Variants in NME7 observed in about 807,000 individuals in gnomAD.
NME7 encodes nucleoside diphosphate kinase 7.
In NME7, 41 loss-of-function variants were observed where a neutral mutation model predicts 49.1. The observed-to-expected ratio is 0.83, with a 90% CI of 0.65 to 1.08. The LOEUF (loss-of-function observed/expected upper bound fraction) is 1.08. NME7 is among the 50% of genes least tolerant of loss of function. NME7 has a pLI of 0.00. For synonymous variants in NME7, 139 were observed against 150.6 expected (o/e 0.92, Z 0.56); for missense variants, 423 against 463.4 (o/e 0.91, Z 0.80).
chr1:169,327,169 T>C (rs537930773), intron 1 of NME7, among the ~76,000 whole-genome samples: 2 of 152,340 alleles, frequency 1.3e-5, no homozygotes, highest in African/African-American at 4.8e-5. Flanking sequence ...TAGTAGCACA[T>C]AGATACACCT....
At chr1:169,210,481 G>A (rs578112388) in intron 10 of NME7, among the ~76,000 whole-genome samples, 3 of 152,052 alleles carry the variant, frequency 2.0e-5, no homozygotes, top group African/African-American at 4.8e-5. Flanking sequence ...TGCCCCGTGG[G>A]GGTTGGAACA....
At position 169,297,841 on chromosome 1, in the gene NME7, C is replaced by G. The variant is rs1318272278; in HGVS notation, c.648+715G>C. Among the ~76,000 whole-genome samples, 2 of 152,134 alleles carry G rather than the reference C, an allele frequency of 1.3e-5. 1 individual carries two copies. The highest frequency in any genetic ancestry group is 3.9e-4 in the East Asian group (2 of 5,192). On this transcript the variant is annotated intron_variant, in intron 6 of 11. Coordinates refer to ENST00000367811, the MANE Select transcript of NME7 (RefSeq NM_013330.5). The stretch of plus-strand genomic sequence containing the variant: ...GAATTTGGAGGCTATTGTAGCAGTT[C>G]TGGCAAAATATAATAGTGATTCAGA...
chr1:169,164,715 A>G (rs1222187996), intron 11 of NME7, among the ~76,000 whole-genome samples: 3 of 152,206 alleles, frequency 2.0e-5, no homozygotes, highest in Non-Finnish European at 4.4e-5. Context: ...TTCCATTGTT[A>G]ATGATCACAA....
chr1:169,334,386 T>C (rs762246404), intron 1 of NME7, among the ~76,000 whole-genome samples: 3 of 152,092 alleles, frequency 2.0e-5, no homozygotes, highest in Non-Finnish European at 4.4e-5. Flanking sequence ...TGGAGCAGAA[T>C]AGAGACCTCA....
At chr1:169,319,422 T>A (rs1468832236) in intron 3 of NME7, among the ~76,000 whole-genome samples, 2 of 152,234 alleles carry the variant, frequency 1.3e-5, no homozygotes, top group Non-Finnish European at 2.9e-5. Context: ...TTGGAATTTT[T>A]GGGCTGTATT....
chr1:169,251,065 G>A (rs1441156692), intron 7 of NME7, among the ~76,000 whole-genome samples: 4 of 151,772 alleles, frequency 2.6e-5, no homozygotes, highest in South Asian at 2.1e-4. Flanking sequence ...TAGTGTTGTC[G>A]GTGGACTGTT....
At chr1:169,196,417 TTGTC>T (rs1433203293) in intron 10 of NME7, among the ~76,000 whole-genome samples, 10 of 152,312 alleles carry the variant, frequency 6.6e-5, no homozygotes, top group Admixed American at 2.0e-4. Context: ...TACTCATTTG[TTGTC>T]TGTCTTTCTA....
chr1:169,167,746 T>C (rs1557970449), intron 11 of NME7, among the ~76,000 whole-genome samples: 1 of 152,150 alleles, frequency 6.6e-6, no homozygotes, highest in East Asian at 1.9e-4. Flanking sequence ...TTCAGTTTCC[T>C]AAAAAAACAG....
intron 1 of NME7, among the ~76,000 whole-genome samples, chr1:169,348,673 T>C (rs1451240903): frequency 6.6e-6 from 1 of 151,236 alleles, no homozygotes; most frequent in Non-Finnish European, 1.5e-5. Flanking sequence ...CAAAAAGCCA[T>C]TTCACAAAGC....
At chr1:169,303,610 C>T (rs896708105) in intron 4 of NME7, among the ~76,000 whole-genome samples, 2 of 152,024 alleles carry the variant, frequency 1.3e-5, no homozygotes, top group African/African-American at 4.8e-5. Context: ...TGCCACAATG[C>T]CCAGCTAATT....
intron 10 of NME7, among the ~76,000 whole-genome samples, chr1:169,206,904 T>G (rs1455137899): frequency 1.3e-5 from 2 of 152,168 alleles, no homozygotes; most frequent in African/African-American, 4.8e-5. Context: ...GTTGTTTATA[T>G]TTATGGAATT....
At chr1:169,241,190 A>C (rs942929188) in intron 7 of NME7, among the ~76,000 whole-genome samples, 1 of 152,120 alleles carries the variant, frequency 6.6e-6, no homozygotes, top group East Asian at 1.9e-4. Flanking sequence ...AGGATCAAAA[A>C]GTAATAAAAT....
chr1:169,325,434 G>C (rs540166867), intron 1 of NME7, among the ~76,000 whole-genome samples: 10 of 151,940 alleles, frequency 6.6e-5, no homozygotes, highest in African/African-American at 2.4e-4. Context: ...TGTAGTTGGA[G>C]GTCTGTGAAG....
intron 6 of NME7, among the ~76,000 whole-genome samples, chr1:169,288,307 T>C (rs1650358277): frequency 1.3e-5 from 2 of 152,156 alleles, no homozygotes; most frequent in South Asian, 4.1e-4. Flanking sequence ...TCTGGCTCAA[T>C]GCAAATAGCC....
chr1:169,336,159 G>A lies in NME7; in HGVS notation c.4-11659C>T, dbSNP rs146168607. Among the ~76,000 whole-genome samples, 205 of 151,764 alleles carry A rather than the reference G, an allele frequency of 1.4e-3. 6 individuals are homozygous for A. The highest frequency in any genetic ancestry group is 6.8e-3 in the Middle Eastern group (2 of 294). The stretch of plus-strand genomic sequence containing the variant: ...AGTGTTACAGCTCTTAAGACAGCGC[G>A]TCCGGAGTTGTTCGTTCCTCCCGGT... On this transcript the variant is annotated intron_variant, in intron 1 of 11. Transcript: ENST00000367811.
At chr1:169,216,795 C>A (rs542555088) in intron 10 of NME7, among the ~76,000 whole-genome samples, 1 of 152,130 alleles carries the variant, frequency 6.6e-6, no homozygotes, top group Non-Finnish European at 1.5e-5. Context: ...TTGAAGAATC[C>A]GCTACAGAAT....
At chr1:169,268,139 A>G (rs974536250) in intron 7 of NME7, among the ~76,000 whole-genome samples, 2 of 134,162 alleles carry the variant, frequency 1.5e-5, no homozygotes, top group African/African-American at 5.1e-5. Flanking sequence ...GGACATGAAC[A>G]GACAATTTTC....
Position 169,245,723 on chromosome 1 carries a change from A to G in NME7, c.755-8036T>C, listed in dbSNP as rs145308874. Among the ~76,000 whole-genome samples the G allele has an allele frequency of 8.9e-3, 1,357 of 152,342 alleles. 14 individuals are homozygous for G. The highest frequency in any genetic ancestry group is 0.031 in the African/African-American group (1,286 of 41,570). The stretch of plus-strand genomic sequence containing the variant: ...AATTCAAAGCCATTTTAACTAAAAA[A>G]TAGACGTGTATCTTTAAAACATGAT... On this transcript the variant is annotated intron_variant, in intron 7 of 11. Coordinates refer to ENST00000367811, the MANE Select transcript of NME7 (RefSeq NM_013330.5).
intron 10 of NME7, among the ~76,000 whole-genome samples, chr1:169,176,979 C>G (rs1232023951): frequency 6.6e-6 from 1 of 151,934 alleles, no homozygotes; most frequent in Non-Finnish European, 1.5e-5. Flanking sequence ...TTAATGTATA[C>G]TCACATTACT....
Sources: gnomAD v4.1 joint callset for allele counts (sites outside exome capture counted in the v4.1 genomes callset) on GRCh38, gnomAD v4.1.1 for gene constraint, MANE v1.5 for transcripts, NCBI Gene and HGNC (gene_info 2026-07-23, HGNC 2026-07-21) for gene names.